AGK: variants seen among roughly 807,000 people sequenced by gnomAD.
AGK encodes acylglycerol kinase, mitochondrial.
In AGK, 52 loss-of-function variants were observed where a neutral mutation model predicts 66.4. The observed-to-expected ratio is 0.78, with a 90% CI of 0.63 to 0.99. AGK has a LOEUF of 0.99. Ranked by LOEUF, AGK falls within the 50% of genes least tolerant of loss-of-function variation. The pLI is 0.00. For missense variants in AGK, 451 were observed against 506.6 expected (o/e 0.89, Z 1.05); for synonymous variants, 182 against 181.1 (o/e 1.00, Z -0.04).
intron 8 of AGK, among the ~76,000 whole-genome samples, chr7:141,618,454 C>T (rs1437145335): frequency 3.9e-5 from 6 of 152,070 alleles, no homozygotes; most frequent in East Asian, 1.9e-4. Context: ...GGTCTATTTA[C>T]GTAAGTGTAA....
intron 4 of AGK, among the ~76,000 whole-genome samples, chr7:141,600,941 T>A (rs1050731316): frequency 3.3e-5 from 5 of 152,216 alleles, no homozygotes; most frequent in African/African-American, 4.8e-5. Context: ...GAGGAACTAC[T>A]TTGTGAACTA....
intron 5 of AGK, among the ~76,000 whole-genome samples, chr7:141,602,653 C>CATTTATAT (rs1050479333): frequency 1.3e-5 from 2 of 151,916 alleles, no homozygotes; most frequent in African/African-American, 4.8e-5. Flanking sequence ...TTGATCCTCT[C>CATTTATAT]ATTTATATGT....
intron 5 of AGK, among the ~76,000 whole-genome samples, chr7:141,606,205 C>T (rs1587120226): frequency 6.6e-6 from 1 of 152,158 alleles, no homozygotes; most frequent in Admixed American, 6.5e-5. Flanking sequence ...GTGAAACAAG[C>T]CTAATCTTTC....
chr7:141,588,270 G>T lies in AGK; in HGVS notation c.102-4876G>T, dbSNP rs144785420. On this transcript the variant is annotated intron_variant, in intron 2 of 15. Coordinates refer to ENST00000649286, the MANE Select transcript of AGK (RefSeq NM_018238.4). The stretch of plus-strand genomic sequence containing the variant: ...GTCCCAATCCAGACCCCAAGAGAGG[G>T]TTCTTAGATCTTGCACAAGAAAGAA... Among the ~76,000 whole-genome samples, 332 of 152,290 alleles carry T rather than the reference G, an allele frequency of 2.2e-3. 2 individuals carry two copies. The highest frequency in any genetic ancestry group is 7.2e-3 in the African/African-American group (298 of 41,562).
chr7:141,600,939 A>G (rs1049476696), intron 4 of AGK, among the ~76,000 whole-genome samples: 17 of 152,188 alleles, frequency 1.1e-4, no homozygotes, highest in African/African-American at 4.1e-4. Flanking sequence ...TAGAGGAACT[A>G]CTTTGTGAAC....
chr7:141,560,795 CTTTT>C (rs71172604), intron 2 of AGK, among the ~76,000 whole-genome samples: 4 of 123,992 alleles, frequency 3.2e-5, no homozygotes, highest in East Asian at 2.3e-4. Flanking sequence ...GCCATTCTTT[CTTTT>C]TTTTTTTTTT....
intron 9 of AGK, among the ~76,000 whole-genome samples, chr7:141,624,061 T>C (rs1427601601): frequency 6.6e-6 from 1 of 152,060 alleles, no homozygotes; most frequent in Non-Finnish European, 1.5e-5. Flanking sequence ...TGAGACCCAC[T>C]GCTCAGAAAA....
chr7:141,593,458 G>A (rs888026335), intron 3 of AGK: 5 of 687,218 alleles, frequency 7.3e-6, no homozygotes, highest in African/African-American at 7.1e-5. Context: ...GAAGCTCTGG[G>A]AATTTGTTTG....
intron 5 of AGK, among the ~76,000 whole-genome samples, chr7:141,604,374 G>GTACATA (rs1554400832): frequency 8.8e-6 from 1 of 113,826 alleles, no homozygotes; most frequent in Non-Finnish European, 1.8e-5. Context: ...GTGTGTGTGT[G>GTACATA]TATATATATA....
intron 2 of AGK, among the ~76,000 whole-genome samples, chr7:141,569,831 TGA>T (rs1224442597): frequency 6.6e-6 from 1 of 152,016 alleles, no homozygotes; most frequent in Non-Finnish European, 1.5e-5. Context: ...CTTAGGAGCG[TGA>T]GAGAGATGAA....
intron 2 of AGK, among the ~76,000 whole-genome samples, chr7:141,562,581 G>T (rs556068379): frequency 2.0e-5 from 3 of 152,278 alleles, no homozygotes; most frequent in Non-Finnish European, 4.4e-5. Context: ...TTATGTTCCA[G>T]AGGGCATTAT....
intron 14 of AGK, among the ~76,000 whole-genome samples, chr7:141,650,972 CTG>C (rs1298691098): frequency 1.3e-5 from 2 of 152,202 alleles, no homozygotes; most frequent in African/African-American, 4.8e-5. Context: ...ATAAGATAGT[CTG>C]TACGGATTCA....
intron 4 of AGK, 143 bp downstream of exon 4, chr7:141,596,784 A>G (rs1796236667): frequency 1.5e-6 from 1 of 669,790 alleles, no homozygotes; most frequent in Non-Finnish European, 2.6e-6. Context: ...TTTGTAATGT[A>G]GAAATAACAG....
chr7:141,587,625 A>G (rs967748269), intron 2 of AGK, among the ~76,000 whole-genome samples: 1 of 151,922 alleles, frequency 6.6e-6, no homozygotes, highest in African/African-American at 2.4e-5. Flanking sequence ...TCTACTCCCT[A>G]TTTTTGCCTG....
intron 15 of AGK, among the ~76,000 whole-genome samples, chr7:141,651,927 C>T (rs897506036): frequency 1.3e-5 from 2 of 152,168 alleles, no homozygotes; most frequent in Non-Finnish European, 2.9e-5. Flanking sequence ...TACATTAAGA[C>T]ACATAGAGAA....
intron 8 of AGK, among the ~76,000 whole-genome samples, chr7:141,618,604 C>G (rs1796758905): frequency 6.6e-6 from 1 of 152,112 alleles, no homozygotes; most frequent in Non-Finnish European, 1.5e-5. Flanking sequence ...AGATAAGCCT[C>G]TATTCTATTG....
rs186058882 is a variant in AGK at position 141,590,417 on chromosome 7, T to C, written c.102-2729T>C. On this transcript the variant is annotated intron_variant, in intron 2 of 15. Coordinates refer to ENST00000649286, the MANE Select transcript of AGK (RefSeq NM_018238.4). ...AGGAGAGATTGGAGGTACAAGGTAATTAGTCTACTAAAGGAAAGCATTGAA... is the reference window on the plus strand; with the variant it reads ...AGGAGAGATTGGAGGTACAAGGTAACTAGTCTACTAAAGGAAAGCATTGAA... 5.2e-4 allele frequency among the ~76,000 whole-genome samples: 79 copies of C among 152,208 alleles called. 1 individual carries two copies. Among genetic ancestry groups the C allele is most frequent in the African/African-American group, 1.9e-3 (77 of 41,544 alleles).
intron 5 of AGK, among the ~76,000 whole-genome samples, chr7:141,609,950 C>T (rs187862353): frequency 8.3e-4 from 126 of 151,460 alleles, no homozygotes; most frequent in East Asian, 4.5e-3. Context: ...TATATATGTA[C>T]GTATGTATGG....
intron 2 of AGK, among the ~76,000 whole-genome samples, chr7:141,565,716 C>T (rs148491036): frequency 6.6e-6 from 1 of 152,074 alleles, no homozygotes; most frequent in Non-Finnish European, 1.5e-5. Context: ...CCAGGTCATA[C>T]ATTCTAAAGG....
Sources: allele counts gnomAD v4.1 joint callset (sites outside exome capture counted in the v4.1 genomes callset), GRCh38; gene constraint gnomAD v4.1.1; transcripts MANE v1.5; gene names NCBI Gene and HGNC (gene_info 2026-07-23, HGNC 2026-07-21).